The following CTNNA3 variants were observed in gnomAD, a reference collection of about 807,000 sequenced individuals.
The protein encoded by CTNNA3 is catenin alpha-3.
CTNNA3 carries 76 observed loss-of-function variants against 95.7 expected under a neutral mutation model. The ratio of observed to expected loss-of-function variants is 0.79; its 90% CI spans 0.66 to 0.96. CTNNA3 has a LOEUF of 0.96. CTNNA3 is among the 40% of genes least tolerant of loss of function. The pLI, the probability that CTNNA3 is intolerant of heterozygous loss-of-function variation, is 0.00. For missense variants in CTNNA3, 1,191 were observed against 1,089.8 expected (o/e 1.09, Z -1.31); for synonymous variants, 431 against 374.4 (o/e 1.15, Z -1.74).
intron 5 of CTNNA3, among the ~76,000 whole-genome samples, chr10:67,317,102 G>T (rs1334148454): frequency 6.6e-6 from 1 of 152,018 alleles, no homozygotes; most frequent in African/African-American, 2.4e-5. Context: ...TCTTTTGAAA[G>T]AAAAAATTAG....
intron 9 of CTNNA3, among the ~76,000 whole-genome samples, chr10:66,742,976 G>T (rs1243069039): frequency 2.6e-5 from 4 of 151,824 alleles, no homozygotes; most frequent in South Asian, 2.1e-4. Flanking sequence ...GATTTTTTTT[G>T]AATAACAACC....
At chr10:67,563,375 A>G (rs1304042399) in intron 3 of CTNNA3, among the ~76,000 whole-genome samples, 3 of 152,246 alleles carry the variant, frequency 2.0e-5, no homozygotes, top group African/African-American at 4.8e-5. Flanking sequence ...AAACCTGAGA[A>G]AAACTAGAAA....
chr10:66,061,300 G>A (rs1382977885), intron 15 of CTNNA3, among the ~76,000 whole-genome samples: 1 of 152,106 alleles, frequency 6.6e-6, no homozygotes, highest in African/African-American at 2.4e-5. Context: ...CAAGGTTCAT[G>A]TGCCAATACT....
intron 5 of CTNNA3, among the ~76,000 whole-genome samples, chr10:67,359,220 C>T (rs1356022659): frequency 6.7e-6 from 1 of 149,382 alleles, no homozygotes; most frequent in Non-Finnish European, 1.5e-5. Flanking sequence ...CAAAAAGGCC[C>T]ATTCAAATGA....
intron 7 of CTNNA3, among the ~76,000 whole-genome samples, chr10:66,877,031 A>G (rs559774898): frequency 6.6e-6 from 1 of 152,236 alleles, no homozygotes; most frequent in Admixed American, 6.5e-5. Context: ...TTCTCTGAAG[A>G]CGCTCAGGAC....
chr10:66,268,318 C>G (rs2091203152), intron 13 of CTNNA3, among the ~76,000 whole-genome samples: 1 of 152,048 alleles, frequency 6.6e-6, no homozygotes, highest in Non-Finnish European at 1.5e-5. Context: ...AAGTGACACT[C>G]TATGATTTCC....
At chr10:67,542,904 G>C (rs1411567756) in intron 3 of CTNNA3, among the ~76,000 whole-genome samples, 2 of 152,034 alleles carry the variant, frequency 1.3e-5, no homozygotes, top group African/African-American at 4.8e-5. Context: ...TTTCCATCTA[G>C]AATATTAGCA....
At chr10:67,240,059 A>G (rs1448609957) in intron 5 of CTNNA3, among the ~76,000 whole-genome samples, 5 of 152,074 alleles carry the variant, frequency 3.3e-5, no homozygotes, top group Non-Finnish European at 7.4e-5. Context: ...CTCAGCATAT[A>G]CTCTGCTCAA....
At chr10:67,726,639 A>AT (rs1564841380) in intron 1 of CTNNA3, among the ~76,000 whole-genome samples, 1 of 1,780 alleles carries the variant, frequency 5.6e-4, no homozygotes, top group Non-Finnish European at 1.1e-3. Flanking sequence ...TATTATATAT[A>AT]ATATATACTA....
At chr10:66,381,456 G>C (rs2092838003) in intron 11 of CTNNA3, among the ~76,000 whole-genome samples, 1 of 152,136 alleles carries the variant, frequency 6.6e-6, no homozygotes, top group Non-Finnish European at 1.5e-5. Flanking sequence ...AGTAGAATTT[G>C]AAATATATCT....
intron 7 of CTNNA3, among the ~76,000 whole-genome samples, chr10:67,146,334 A>C (rs1359100811): frequency 2.0e-5 from 3 of 152,220 alleles, no homozygotes; most frequent in African/African-American, 7.2e-5. Flanking sequence ...TTTCCAAACT[A>C]ACTGAGAATA....
chr10:66,373,725 C>T (rs192646344), intron 12 of CTNNA3, among the ~76,000 whole-genome samples: 37 of 152,312 alleles, frequency 2.4e-4, no homozygotes, highest in Non-Finnish European at 4.0e-4. Flanking sequence ...TGTGAAAGCA[C>T]AGTTACTACC....
Position 66,596,243 on chromosome 10 carries a change from C to T in CTNNA3, c.1374+25449G>A, listed in dbSNP as rs1257202917. On this transcript the variant is annotated intron_variant, in intron 10 of 17. Coordinates refer to ENST00000433211, the MANE Select transcript of CTNNA3 (RefSeq NM_013266.4). ...CCACTGGCTGGTTCATGATGGTCTCCACTAGGATCTCTACCCATGACCCCT... is the reference window on the plus strand; with the variant it reads ...CCACTGGCTGGTTCATGATGGTCTCTACTAGGATCTCTACCCATGACCCCT... Among the ~76,000 whole-genome samples, 3 of 152,060 alleles carry T rather than the reference C, an allele frequency of 2.0e-5. No homozygotes were observed. In the East Asian group the frequency reaches 5.8e-4, roughly 29 times the overall value.
At chr10:67,275,513 G>A (rs1839152953) in intron 5 of CTNNA3, among the ~76,000 whole-genome samples, 1 of 152,006 alleles carries the variant, frequency 6.6e-6, no homozygotes, top group South Asian at 2.1e-4. Context: ...CAATGAATGT[G>A]CTAAGCGTAT....
intron 7 of CTNNA3, among the ~76,000 whole-genome samples, chr10:67,077,601 G>A (rs1428804514): frequency 2.6e-5 from 4 of 151,988 alleles, no homozygotes; most frequent in African/African-American, 9.7e-5. Context: ...AACTTTCTTA[G>A]GAAAATCTTC....
intron 10 of CTNNA3, among the ~76,000 whole-genome samples, chr10:66,598,605 C>T (rs537376431): frequency 2.6e-5 from 4 of 151,996 alleles, no homozygotes; most frequent in African/African-American, 4.8e-5. Flanking sequence ...AGTATCTATA[C>T]ACTAATGATG....
chr10:65,999,854 G>T (rs958360979), intron 15 of CTNNA3, among the ~76,000 whole-genome samples: 1 of 151,716 alleles, frequency 6.6e-6, no homozygotes, highest in African/African-American at 2.4e-5. Flanking sequence ...GAGAAGAAAG[G>T]GTTAGAGATT....
chr10:67,448,730 A>T (rs549620531), intron 5 of CTNNA3, among the ~76,000 whole-genome samples: 160 of 151,176 alleles, frequency 1.1e-3, no homozygotes, highest in Non-Finnish European at 1.9e-3. Flanking sequence ...ATTAAGATGG[A>T]ATTCTTAAAG....
chr10:66,820,434 TA>T (rs987658894), intron 7 of CTNNA3, among the ~76,000 whole-genome samples: 14 of 152,032 alleles, frequency 9.2e-5, no homozygotes, highest in African/African-American at 2.9e-4. Flanking sequence ...GTGAATATAT[TA>T]AAAACTACTG....
Sources: gnomAD v4.1 joint callset for allele counts (sites outside exome capture counted in the v4.1 genomes callset) on GRCh38, gnomAD v4.1.1 for gene constraint, MANE v1.5 for transcripts, NCBI Gene and HGNC (gene_info 2026-07-23, HGNC 2026-07-21) for gene names.